The following WDR90 variants were observed in gnomAD, a reference collection of about 807,000 sequenced individuals.
WDR90 encodes the protein WD repeat-containing protein 90.
A neutral mutation model predicts 195.2 loss-of-function variants in WDR90; 238 were observed. The ratio of observed to expected loss-of-function variants is 1.22; its 90% confidence interval spans 1.10 to 1.36. WDR90 has a LOEUF of 1.36. Among genes scored for constraint, WDR90 ranks in the 40% most tolerant of loss-of-function variants. The pLI is 0.00. For missense variants in WDR90, 2,734 were observed against 2,439.5 expected, an observed-to-expected ratio of 1.12 and a Z score of -2.54; for synonymous variants, 1,265 against 1,052.4, an observed-to-expected ratio of 1.20 and a Z score of -3.91.
intron 23 of WDR90, 105 bp downstream of exon 23, chr16:658,758 G>C: frequency 6.4e-7 from 1 of 1,554,852 alleles, no homozygotes; most frequent in South Asian, 1.2e-5. Context: ...AGAAGGTGAG[G>C]GGTGAGAGTG....
At position 657,926 on chromosome 16, in the gene WDR90, T is replaced by C. The variant is rs757913048; in HGVS notation, c.2604+34T>C. 11 of 1,520,162 alleles carry C rather than the reference T, an allele frequency of 7.2e-6. No homozygotes were observed. In the South Asian group the frequency reaches 1.3e-4, roughly 19 times the overall value. 94.2% of individuals were successfully genotyped at this position (1,520,162 alleles called of 1,614,324 possible). ...GCAGCCCTCCTGGGTCCAGGGAGAC[T>C]GGGCCATGAGAGGCTGGCTGCAGGG... On this transcript the variant is annotated intron_variant, in intron 21 of 40. Transcript: ENST00000293879.
Position 660,080 on chromosome 16 carries a change from G to A in WDR90, c.3207G>A (p.Ser1069=), listed in dbSNP as rs1448805906. 1.9e-5 allele frequency: 29 copies of A among 1,545,994 alleles called. No individual in the cohort carries two copies. The highest frequency in any genetic ancestry group is 3.4e-4 in the Middle Eastern group (2 of 5,964). ...CAGGCGCCAGGGACACCAGGAATTCGGGGGCCCCACGCACCACCTACCTGG... is the reference window on the plus strand; with the variant it reads ...CAGGCGCCAGGGACACCAGGAATTCAGGGGCCCCACGCACCACCTACCTGG... ...GGDGARDTRN[S]GAPRTTYLAS... Residue 1069 remains serine (S), a synonymous_variant, in exon 27 of 41, where the codon TCG becomes TCA. Transcript: ENST00000293879.
chr16:655,834 G>T lies in WDR90; in HGVS notation c.1911G>T (p.Glu637Asp). The T allele has an allele frequency of 6.3e-7, 1 of 1,599,194 alleles. No homozygotes were observed. ...CGGCCATGTGTGCTGTGGGCTCTGA[G>T]GACGGCTTCTTGCGGCTCTGGCCCC... is the stretch of plus-strand genomic sequence containing the variant. ...VSPAMCAVGS[E>D]DGFLRLWPLD... The change falls in exon 17 of 41, where the codon GAG (glutamate) becomes GAT (aspartate). Residue 637 changes from glutamate (E) to aspartate (D), a missense_variant. Physicochemically the swap from Glu to Asp is conservative, Grantham distance 45 (BLOSUM62 2). Transcript: ENST00000293879.
chr16:658,412 T>G, intron 22 of WDR90, 68 bp downstream of exon 22: 1 of 1,583,590 alleles, frequency 6.3e-7, no homozygotes, highest in Non-Finnish European at 8.6e-7. Flanking sequence ...CCTCTGTGCC[T>G]GCAGCCTCTC....
intron 23 of WDR90, 56 bp downstream of exon 23, chr16:658,709 C>G: frequency 1.3e-6 from 2 of 1,585,554 alleles, no homozygotes; most frequent in Non-Finnish European, 1.7e-6. Flanking sequence ...TCAGGTGGCC[C>G]TGGAGACCCC....
chr16:649,023 A>C (rs2037582639), upstream of WDR90: 2 of 202,186 alleles, frequency 9.9e-6, no homozygotes, highest in Non-Finnish European at 2.0e-5. Context: ...CGGCAGGGTG[A>C]GGCCCGGCCG....
intron 28 of WDR90, 56 bp from the exon 29 acceptor site, chr16:660,995 T>TGTTCGG (rs2037891357): frequency 9.7e-5 from 1 of 10,290 alleles, no homozygotes; most frequent in East Asian, 3.1e-3. Context: ...CCCAGGCCCC[T>TGTTCGG]CCCCGCCCCC....
At position 656,531 on chromosome 16, in the gene WDR90, G is replaced by A. The variant is rs773547417; in HGVS notation, c.2196G>A (p.Leu732=). ...RTVRIWDLAT[L]QQLYDFTSSE... ...TCCGCATCTGGGACCTGGCCACCCT[G>A]CAGCAGGTGGGGTTTGGCAGGGGCA... The change falls in exon 18 of 41, where the codon CTG becomes CTA. Residue 732 remains leucine, a synonymous_variant. Transcript: ENST00000293879. The A allele has an allele frequency of 3.8e-6, 6 of 1,568,732 alleles. No individual in the cohort carries two copies. The Admixed American group carries it at 9.1e-5, about 24-fold the overall frequency.
At chr16:654,781 C>CG (rs908344787) in intron 13 of WDR90, 3 of 533,628 alleles carry the variant, frequency 5.6e-6, no homozygotes, top group African/African-American at 1.9e-5. Flanking sequence ...TTCCGGCTTG[C>CG]GGGGGGGTTT....
chr16:667,381 C>CT (rs1216658382), intron 40 of WDR90, 51 bp from the exon 41 acceptor site: 10 of 1,553,732 alleles, frequency 6.4e-6, no homozygotes, highest in Non-Finnish European at 8.7e-6. Flanking sequence ...GGGGAGCCCT[C>CT]TGAGTGCTGC....
At position 652,469 on chromosome 16, in the gene WDR90, C is replaced by G; in HGVS notation, c.1056C>G (p.Gly352=). ...TTTGATGCGAATGGCTGTTTCAGGG[C>G]TTCCTCCCAGACCCAGTCCTGAGGC... ...VPVARTGSCE[G]FLPDPVLRLK... Residue 352 remains glycine, a splice_region_variant and synonymous_variant, in exon 10 of 41, where the codon GGC becomes GGG. Transcript: ENST00000293879. The G allele has an allele frequency of 1.2e-6, 2 of 1,606,046 alleles. No homozygotes were observed. The highest frequency in any genetic ancestry group is 1.7e-6 in the Non-Finnish European group (2 of 1,175,670).
At position 666,116 on chromosome 16, in the gene WDR90, C is replaced by T; in HGVS notation, c.4601C>T (p.Ser1534Phe). Reference sequence around the variant, plus strand: ...GTGGCGCTGACCACTGTTGCCTTCTCCACCGATGGTGAGGAGTTGGGTGTG... The same window carrying T: ...GTGGCGCTGACCACTGTTGCCTTCTTCACCGATGGTGAGGAGTTGGGTGTG... ...HPVALTTVAFSTDGQTVLSGD... is the reference protein window; with the variant it reads ...HPVALTTVAFFTDGQTVLSGD... The change falls in exon 36 of 41, where the codon TCC (serine) becomes TTC (phenylalanine). Residue 1534 changes from serine (S) to phenylalanine (F), a missense_variant. Ser to Phe is a radical substitution (Grantham distance 155). Transcript: ENST00000293879. 1 of 1,609,872 alleles carries T rather than the reference C, an allele frequency of 6.2e-7. No homozygotes were observed. Among genetic ancestry groups the T allele is most frequent in the Non-Finnish European group, 8.5e-7 (1 of 1,178,330 alleles).
chr16:655,062 C>T lies in WDR90; in HGVS notation c.1471C>T (p.Leu491Phe). ...VVAWGTGQVG[L>F]GGEVVVLAKA... ...GGCCTGGGGCACCGGCCAGGTGGGCCTCGGTGGCGAGGTGGTCGTTCTGGC... is the reference window on the plus strand; with the variant it reads ...GGCCTGGGGCACCGGCCAGGTGGGCTTCGGTGGCGAGGTGGTCGTTCTGGC... The change falls in exon 14 of 41, where the codon CTC becomes TTC. Residue 491 changes from leucine (L) to phenylalanine (F), a missense_variant. Transcript: ENST00000293879. 1 of 1,612,762 alleles carries T rather than the reference C, an allele frequency of 6.2e-7. No individual in the cohort carries two copies. Among genetic ancestry groups the T allele is most frequent in the African/African-American group, 1.3e-5 (1 of 75,056 alleles).
At chr16:652,251 T>C in intron 9 of WDR90, 1 of 799,412 alleles carries the variant, frequency 1.3e-6, no homozygotes, top group Non-Finnish European at 1.9e-6. Context: ...CCCCAATGCG[T>C]CAGCCCCAGG....
At position 657,890 on chromosome 16, in the gene WDR90, G is replaced by A; in HGVS notation, c.2602G>A (p.Glu868Lys). ...VTVMGSASLD[E>K]LLRVDIGTLD... Reference sequence around the variant, plus strand: ...AGTCATGGGCTCGGCCTCCCTTGATGAGGTGAGTCCGCAGCCCTCCTGGGT... The same window carrying A: ...AGTCATGGGCTCGGCCTCCCTTGATAAGGTGAGTCCGCAGCCCTCCTGGGT... The change falls in exon 21 of 41, where the codon GAG becomes AAG. Residue 868 changes from glutamate to lysine, a missense_variant and splice_region_variant. Glu to Lys is a moderately conservative substitution (Grantham distance 56). Transcript: ENST00000293879. 6.3e-7 allele frequency: 1 copy of A among 1,575,986 alleles called. No individual in the cohort carries two copies. Among genetic ancestry groups the A allele is most frequent in the Non-Finnish European group, 8.6e-7 (1 of 1,160,672 alleles).
At position 650,173 on chromosome 16, in the gene WDR90, G is replaced by A. The variant is rs376037180; in HGVS notation, c.279+6G>A. Reference sequence around the variant, plus strand: ...ACCTCGATGTGTCCTCCAAGGTACGGAGCCCGCGGCTGGGGGCTGCGTGGG... The same window carrying A: ...ACCTCGATGTGTCCTCCAAGGTACGAAGCCCGCGGCTGGGGGCTGCGTGGG... On this transcript the variant is annotated splice_donor_region_variant and intron_variant, in intron 3 of 40. Coordinates refer to ENST00000293879, the MANE Select transcript of WDR90 (RefSeq NM_145294.5). 2 of 1,611,778 alleles carry A rather than the reference G, an allele frequency of 1.2e-6. No individual in the cohort carries two copies. Among genetic ancestry groups the A allele is most frequent in the Admixed American group, 1.7e-5 (1 of 60,006 alleles).
rs764855005 is a variant in WDR90 at position 657,134 on chromosome 16, G to A, written c.2386G>A (p.Gly796Ser). 6.3e-6 allele frequency: 10 copies of A among 1,580,050 alleles called. No individual in the cohort carries two copies. In the East Asian group the frequency reaches 9.4e-5, roughly 15 times the overall value. ...AVTGLTATPDGRLLFSSCSQG... is the reference protein window; with the variant it reads ...AVTGLTATPDSRLLFSSCSQG... The stretch of plus-strand genomic sequence containing the variant: ...CACCGGCCTGACCGCCACCCCTGAC[G>A]GCCGCCTGCTCTTCAGCTCCTGCTC... The change falls in exon 20 of 41, where the codon GGC becomes AGC. Residue 796 changes from glycine (G) to serine (S), a missense_variant. Gly to Ser is a moderately conservative substitution (Grantham distance 56, BLOSUM62 0). Coordinates refer to ENST00000293879, the MANE Select transcript of WDR90 (RefSeq NM_145294.5).
chr16:660,886 T>G, intron 28 of WDR90, 165 bp from the exon 29 acceptor site: 1 of 784,208 alleles, frequency 1.3e-6, no homozygotes, highest in Non-Finnish European at 1.7e-6. Flanking sequence ...GTGAAGCACT[T>G]TGGCTACTGG....
chr16:666,247 A>G lies in WDR90; in HGVS notation c.4637A>G (p.Asp1546Gly). Residue 1546 changes from aspartate to glycine, a missense_variant, in exon 37 of 41, where the codon GAT becomes GGT. Transcript: ENST00000293879. The part of the protein sequence containing the change: ...DGQTVLSGDK[D>G]GLVAVSHPCT... ...CAGACTGTCCTCTCTGGAGACAAGG[A>G]TGGGCTCGTGGCTGTGAGCCACCCC... The G allele has an allele frequency of 6.2e-7, 1 of 1,612,644 alleles. No individual in the cohort carries two copies. Among genetic ancestry groups the G allele is most frequent in the South Asian group, 1.1e-5 (1 of 91,088 alleles).
Sources: gnomAD v4.1 joint callset for allele counts on GRCh38, gnomAD v4.1.1 for gene constraint, MANE v1.5 for transcripts, NCBI Gene and HGNC (gene_info 2026-07-23, HGNC 2026-07-21) for gene names.